Variants in SEMA6D observed in about 807,000 individuals in gnomAD.
The protein encoded by SEMA6D is semaphorin-6D.
SEMA6D carries 35 observed loss-of-function variants against 106.6 expected under a neutral mutation model. That is an observed-to-expected ratio of 0.33 (90% CI 0.25 to 0.44). The LOEUF (loss-of-function observed/expected upper bound fraction) is 0.44, where lower values mean the gene tolerates loss of function less well. Ranked by LOEUF, SEMA6D falls within the 20% of genes least tolerant of loss-of-function variation. The pLI, the probability that SEMA6D is intolerant of heterozygous loss-of-function variation, is 1.00. For missense variants in SEMA6D, 1,185 were observed against 1,345.9 expected (o/e 0.88, Z 1.87); for synonymous variants, 499 against 487.7 (o/e 1.02, Z -0.31).
intron 1 of SEMA6D, among the ~76,000 whole-genome samples, chr15:47,731,946 G>A (rs909741404): frequency 1.8e-4 from 28 of 152,216 alleles, no homozygotes; most frequent in African/African-American, 5.8e-4. Context: ...TCAGACAGAC[G>A]TAGGTTGGAA....
At chr15:47,459,632 T>C (rs959482170) in intron 2 of SEMA6D, among the ~76,000 whole-genome samples, 1 of 151,788 alleles carries the variant, frequency 6.6e-6, no homozygotes, top group Admixed American at 6.6e-5. Flanking sequence ...ATTTGAGGTG[T>C]TTACAATATC....
chr15:47,769,762 T>G (rs2082532342), intron 18 of SEMA6D, among the ~76,000 whole-genome samples: 2 of 152,196 alleles, frequency 1.3e-5, no homozygotes. Context: ...TCAGTAATTA[T>G]AAACTAATTT....
At chr15:47,346,376 G>A (rs1367687178) in intron 1 of SEMA6D, among the ~76,000 whole-genome samples, 2 of 152,150 alleles carry the variant, frequency 1.3e-5, no homozygotes, top group African/African-American at 2.4e-5. Flanking sequence ...TGTTCCATGT[G>A]TCTAAGAAGG....
chr15:47,703,789 G>A (rs2078861584), intron 4 of SEMA6D, among the ~76,000 whole-genome samples: 2 of 152,134 alleles, frequency 1.3e-5, no homozygotes, highest in South Asian at 4.1e-4. Flanking sequence ...CAGGGCAAGG[G>A]GAGATAGGGA....
intron 3 of SEMA6D, among the ~76,000 whole-genome samples, chr15:47,578,942 A>G (rs1186361506): frequency 1.3e-5 from 2 of 152,154 alleles, no homozygotes; most frequent in African/African-American, 2.4e-5. Flanking sequence ...CACACCACCT[A>G]TCTTGCATAT....
At chr15:47,252,668 T>C (rs1392673542) in intron 1 of SEMA6D, among the ~76,000 whole-genome samples, 2 of 152,226 alleles carry the variant, frequency 1.3e-5, no homozygotes, top group Non-Finnish European at 2.9e-5. Flanking sequence ...TGTGTCTGAC[T>C]TATTTCACTT....
intron 3 of SEMA6D, among the ~76,000 whole-genome samples, chr15:47,516,740 T>A (rs2044401149): frequency 6.6e-6 from 1 of 152,114 alleles, no homozygotes; most frequent in Admixed American, 6.5e-5. Flanking sequence ...GAAGAGGACA[T>A]CATCAAAGTG....
intron 1 of SEMA6D, among the ~76,000 whole-genome samples, chr15:47,219,752 T>C (rs1418388723): frequency 6.6e-6 from 1 of 152,226 alleles, no homozygotes; most frequent in Non-Finnish European, 1.5e-5. Context: ...TTTGAAAATA[T>C]CATCCATGTA....
rs2082652037 is a variant in SEMA6D at position 47,772,046 on chromosome 15, CAG to C, written c.*262_*263del. The C allele has an allele frequency of 8.6e-6, 4 of 463,556 alleles. No individual in the cohort carries two copies. The highest frequency in any genetic ancestry group is 1.5e-5 in the Non-Finnish European group (4 of 259,926). The allele number at this position is 463,556 out of a possible 1,614,324, so 28.7% of individuals were successfully genotyped here. A position where few individuals can be genotyped will look rare whatever the true frequency, so the allele number is the denominator to read the frequency against. On this transcript the variant is annotated 3_prime_UTR_variant, in exon 19 of 19. Transcript: ENST00000536845. ...TGAAGCTAAAGAGATGTGTAGCTCA[CAG>C]GGGCTACCTTACCAGTATAAAGAGC...
At chr15:47,482,751 G>A (rs958678274) in intron 3 of SEMA6D, among the ~76,000 whole-genome samples, 7 of 151,928 alleles carry the variant, frequency 4.6e-5, no homozygotes, top group Admixed American at 2.0e-4. Context: ...AAATGTGGGA[G>A]GATTTCTTGT....
intron 3 of SEMA6D, among the ~76,000 whole-genome samples, chr15:47,586,815 C>A: frequency 6.7e-6 from 1 of 149,102 alleles, no homozygotes; most frequent in Non-Finnish European, 1.5e-5. Flanking sequence ...AAAGAAAATT[C>A]TGTTTCCCTA....
At chr15:47,432,057 A>G (rs931873678) in intron 2 of SEMA6D, among the ~76,000 whole-genome samples, 3 of 152,072 alleles carry the variant, frequency 2.0e-5, no homozygotes, top group Admixed American at 1.3e-4. Context: ...GCATCAAGCA[A>G]TGTGTGAGGC....
intron 2 of SEMA6D, among the ~76,000 whole-genome samples, chr15:47,469,738 C>G (rs1245821686): frequency 2.6e-5 from 4 of 152,098 alleles, no homozygotes; most frequent in Non-Finnish European, 5.9e-5. Flanking sequence ...GGTATGCTTA[C>G]CTCCCTTCTT....
intron 16 of SEMA6D, 83 bp from the exon 17 acceptor site, chr15:47,766,941 TTTTTTTTTTTTAC>T: frequency 2.5e-5 from 2 of 80,778 alleles, no homozygotes; most frequent in Non-Finnish European, 3.8e-5. Flanking sequence ...ATTTATAGTC[TTTTTTTTTTTTAC>T]TTTTTTAGTT....
At chr15:47,278,138 T>A (rs2034925233) in intron 1 of SEMA6D, among the ~76,000 whole-genome samples, 2 of 152,042 alleles carry the variant, frequency 1.3e-5, no homozygotes, top group African/African-American at 4.8e-5. Context: ...AGTAATGGGA[T>A]GGCTGGGTCA....
chr15:47,607,529 T>G lies in SEMA6D; in HGVS notation c.-55+6633T>G, dbSNP rs189121459. On this transcript the variant is annotated intron_variant, in intron 4 of 19. Coordinates refer to the SEMA6D transcript ENST00000558014. ...TCTATCACTCTAAGTAAATATCTACTTACCTTTTATTTAAAACAAGCAAGC... is the reference window on the plus strand; with the variant it reads ...TCTATCACTCTAAGTAAATATCTACGTACCTTTTATTTAAAACAAGCAAGC... 1.1e-4 allele frequency among the ~76,000 whole-genome samples: 16 copies of G among 152,338 alleles called. No individual in the cohort carries two copies. In the East Asian group the frequency reaches 2.9e-3, roughly 28 times the overall value.
At chr15:47,474,045 A>G (rs1004920401) in intron 3 of SEMA6D, among the ~76,000 whole-genome samples, 4 of 152,164 alleles carry the variant, frequency 2.6e-5, no homozygotes, top group Non-Finnish European at 5.9e-5. Flanking sequence ...GTATAGGAAG[A>G]AAAAAGGAGA....
chr15:47,557,377 T>A (rs774134868), intron 3 of SEMA6D, among the ~76,000 whole-genome samples: 1 of 152,212 alleles, frequency 6.6e-6, no homozygotes, highest in Non-Finnish European at 1.5e-5. Context: ...TAATTTGAGG[T>A]TAACATGCTC....
intron 3 of SEMA6D, among the ~76,000 whole-genome samples, chr15:47,562,571 C>T (rs1276538740): frequency 1.3e-5 from 2 of 151,992 alleles, no homozygotes; most frequent in Non-Finnish European, 2.9e-5. Context: ...CCTAAAAAGA[C>T]ATCTATATGG....
Sources: allele counts gnomAD v4.1 joint callset (sites outside exome capture counted in the v4.1 genomes callset), GRCh38; gene constraint gnomAD v4.1.1; transcripts MANE v1.5; gene names NCBI Gene and HGNC (gene_info 2026-07-23, HGNC 2026-07-21).